Variants in SFMBT2 observed in about 807,000 individuals in gnomAD.
SFMBT2 encodes the protein scm-like with four MBT domains protein 2.
Under a neutral mutation model 110.1 loss-of-function variants are expected in SFMBT2, and 38 were observed. That is an observed-to-expected ratio of 0.35 (90% confidence interval 0.27 to 0.45). SFMBT2 has a LOEUF of 0.45. Ranked by LOEUF, SFMBT2 falls within the 20% of genes least tolerant of loss-of-function variation. SFMBT2 has a pLI of 1.00. For synonymous variants in SFMBT2, 425 were observed against 425.4 expected, an observed-to-expected ratio of 1.00 and a Z score of 0.01; for missense variants, 1,011 against 1,094.9, an observed-to-expected ratio of 0.92 and a Z score of 1.08.
intron 20 of SFMBT2, among the ~76,000 whole-genome samples, chr10:7,165,395 A>G (rs1837670615): frequency 6.6e-6 from 1 of 152,234 alleles, no homozygotes; most frequent in Non-Finnish European, 1.5e-5. Flanking sequence ...AAAAAGGCAA[A>G]GTGTGTATAA....
intron 12 of SFMBT2, chr10:7,204,368 G>T: frequency 1.0e-6 from 1 of 985,404 alleles, no homozygotes; most frequent in Non-Finnish European, 1.2e-6. Flanking sequence ...CACAGAACAG[G>T]CTGTTAGGAA....
rs185392978 is a variant in SFMBT2, at chr10:7,198,128, A to G, written c.1559-441T>C. The G allele has an allele frequency of 2.3e-4, 225 of 985,416 alleles. No homozygotes were observed. The Middle Eastern group carries it at 5.2e-3, about 23-fold the overall frequency. The allele number at this position is 985,416 out of a possible 1,614,324, so 61.0% of individuals were successfully genotyped here. On this transcript the variant is annotated intron_variant, in intron 14 of 20. Transcript: ENST00000397167. ...AAGCATGCATGTGCCTACAAACAAT[A>G]TATGATATATTAAACATATTCCATA...
At chr10:7,342,942 CA>C (rs1448158556) in intron 4 of SFMBT2, among the ~76,000 whole-genome samples, 2 of 152,160 alleles carry the variant, frequency 1.3e-5, no homozygotes, top group Non-Finnish European at 2.9e-5. Flanking sequence ...ACATATGTGT[CA>C]GGGTGTCAGA....
At chr10:7,257,599 G>C (rs552537886) in intron 7 of SFMBT2, among the ~76,000 whole-genome samples, 95 of 152,294 alleles carry the variant, frequency 6.2e-4, no homozygotes, top group African/African-American at 2.3e-3. Flanking sequence ...TACTAACAGA[G>C]AGACAGGAGA....
intron 5 of SFMBT2, 56 bp downstream of exon 5, chr10:7,285,810 G>T: frequency 1.2e-6 from 1 of 835,130 alleles, no homozygotes; most frequent in Non-Finnish European, 2.1e-6. Flanking sequence ...TCAGGTCTGA[G>T]CTCACGTAAC....
chr10:7,381,698 G>T, intron 2 of SFMBT2, 101 bp downstream of exon 2: 1 of 1,269,474 alleles, frequency 7.9e-7, no homozygotes, highest in South Asian at 1.4e-5. Flanking sequence ...CAGACAGTAT[G>T]TGAGATCTAC....
chr10:7,232,148 T>C (rs538998573), intron 9 of SFMBT2, among the ~76,000 whole-genome samples: 10 of 152,258 alleles, frequency 6.6e-5, no homozygotes, highest in Non-Finnish European at 1.2e-4. Context: ...TATTAGTGTT[T>C]ATTCTGAATG....
chr10:7,283,942 C>A lies in SFMBT2; in HGVS notation c.734G>T (p.Trp245Leu), dbSNP rs987317554. 1 of 1,604,758 alleles carries A rather than the reference C, an allele frequency of 6.2e-7. No individual in the cohort carries two copies. The highest frequency in any genetic ancestry group is 1.3e-5 in the African/African-American group (1 of 74,750). Residue 245 changes from tryptophan (W) to leucine (L), a missense_variant, in exon 6 of 21, where the codon TGG (tryptophan) becomes TTG (leucine). Trp to Leu is a moderately conservative substitution (Grantham distance 61). Transcript: ENST00000397167. ...YLDYRLRPVG[W>L]CQENKYRMDP... ...CATTCTGTATTTATTCTCTTGACAC[C>A]AACCAACTGGTCGAAGTCTGTAATC...
chr10:7,220,626 C>T (rs1311377806), intron 10 of SFMBT2, 89 bp from the exon 11 acceptor site: 3 of 1,350,744 alleles, frequency 2.2e-6, no homozygotes, highest in Non-Finnish European at 3.2e-6. Flanking sequence ...AATGCACGCA[C>T]ACGCATCTTA....
At chr10:7,366,843 G>A (rs1844921922) in intron 4 of SFMBT2, among the ~76,000 whole-genome samples, 1 of 152,182 alleles carries the variant, frequency 6.6e-6, no homozygotes, top group Non-Finnish European at 1.5e-5. Context: ...GTGCATTGCG[G>A]GGGTTTAGCA....
At chr10:7,264,026 T>C (rs1159579212) in intron 7 of SFMBT2, 2 of 243,998 alleles carry the variant, frequency 8.2e-6, no homozygotes, top group Non-Finnish European at 1.3e-5. Context: ...AAAAAAGCAC[T>C]GGATGTGGAA....
intron 4 of SFMBT2, among the ~76,000 whole-genome samples, chr10:7,318,365 A>G (rs1843076075): frequency 6.6e-6 from 1 of 152,198 alleles, no homozygotes; most frequent in Non-Finnish European, 1.5e-5. Flanking sequence ...TATGTGTTAT[A>G]CTGACATCTG....
intron 1 of SFMBT2, among the ~76,000 whole-genome samples, chr10:7,398,343 CT>C (rs1216715113): frequency 6.6e-6 from 1 of 152,204 alleles, no homozygotes; most frequent in East Asian, 1.9e-4. Flanking sequence ...AAACAAGAGG[CT>C]TCCAAGTTAG....
intron 2 of SFMBT2, among the ~76,000 whole-genome samples, chr10:7,372,303 T>A (rs190926028): frequency 9.8e-5 from 15 of 152,350 alleles, no homozygotes; most frequent in African/African-American, 3.4e-4. Context: ...AAGAGGATCA[T>A]TTTTGTAAAG....
At chr10:7,200,588 A>C in intron 13 of SFMBT2, 104 bp from the exon 14 acceptor site, 52 of 873,266 alleles carry the variant, frequency 6.0e-5, no homozygotes, top group Middle Eastern at 2.4e-4. Context: ...CAGAAATCTC[A>C]GATAAGAGGA....
At chr10:7,377,967 G>C (rs953486999) in intron 2 of SFMBT2, among the ~76,000 whole-genome samples, 2 of 122,456 alleles carry the variant, frequency 1.6e-5, no homozygotes, top group Non-Finnish European at 3.4e-5. Context: ...GTGTGGGGGG[G>C]GGTTGTGTGT....
At chr10:7,241,353 A>G (rs1290077229) in intron 9 of SFMBT2, 1 of 981,124 alleles carries the variant, frequency 1.0e-6, no homozygotes, top group Non-Finnish European at 1.2e-6. Context: ...AAAAAGAGTT[A>G]TAGTTTCTTA....
chr10:7,287,561 T>C (rs1402077558), intron 4 of SFMBT2, among the ~76,000 whole-genome samples: 3 of 151,974 alleles, frequency 2.0e-5, no homozygotes, highest in Admixed American at 2.0e-4. Context: ...CACCAAGAGA[T>C]GGATGTGCAA....
chr10:7,217,550 T>C (rs1255335587), intron 11 of SFMBT2, among the ~76,000 whole-genome samples: 1 of 152,050 alleles, frequency 6.6e-6, no homozygotes, highest in Admixed American at 6.5e-5. Context: ...CAAAAAAAGA[T>C]GCTAAGGAAG....
Sources: gnomAD v4.1 joint callset for allele counts (sites outside exome capture counted in the v4.1 genomes callset) on GRCh38, gnomAD v4.1.1 for gene constraint, MANE v1.5 for transcripts, NCBI Gene and HGNC (gene_info 2026-07-23, HGNC 2026-07-21) for gene names.